The following LTBP1 variants were observed in gnomAD, a reference collection of about 807,000 sequenced individuals.
LTBP1 encodes latent transforming growth factor beta binding protein 1.
In LTBP1, 129 loss-of-function variants were observed where a neutral mutation model predicts 207.6. That is an observed-to-expected ratio of 0.62 (90% CI 0.54 to 0.72). LTBP1 has a LOEUF of 0.72. Ranked by LOEUF, LTBP1 falls within the 30% of genes least tolerant of loss-of-function variation. The pLI is 0.00. For synonymous variants in LTBP1, 963 were observed against 833.7 expected (o/e 1.16, Z -2.67); for missense variants, 2,281 against 2,217.2 (o/e 1.03, Z -0.58).
chr2:33,233,262 C>T (rs143380917), intron 9 of LTBP1, among the ~76,000 whole-genome samples: 4 of 152,178 alleles, frequency 2.6e-5, no homozygotes, highest in South Asian at 4.1e-4. Context: ...ATCTCAGTTC[C>T]ATTTTCCAAT....
intron 2 of LTBP1, among the ~76,000 whole-genome samples, chr2:32,982,087 A>G (rs1682851859): frequency 6.6e-6 from 1 of 152,200 alleles, no homozygotes; most frequent in Non-Finnish European, 1.5e-5. Flanking sequence ...AATGTGGGAA[A>G]GTTTGGAACT....
chr2:33,314,976 T>C (rs545096982), intron 23 of LTBP1, among the ~76,000 whole-genome samples, 168 bp from the exon 24 acceptor site: 5 of 152,222 alleles, frequency 3.3e-5, no homozygotes, highest in Admixed American at 6.5e-5. Context: ...ATAGTTTCTC[T>C]CTCATAACTC....
At chr2:33,365,544 G>C (rs1340313560) in intron 31 of LTBP1, 41 bp downstream of exon 31, 1 of 1,593,314 alleles carries the variant, frequency 6.3e-7, no homozygotes, top group African/African-American at 1.3e-5. Flanking sequence ...GGCCTTTGGG[G>C]ACAAGTTCAT....
intron 3 of LTBP1, among the ~76,000 whole-genome samples, chr2:33,097,919 A>C (rs2079482588): frequency 6.6e-6 from 1 of 152,190 alleles, no homozygotes; most frequent in East Asian, 1.9e-4. Context: ...ACAGTCATTT[A>C]ATAACCATGT....
intron 2 of LTBP1, among the ~76,000 whole-genome samples, chr2:32,986,787 T>C (rs985414526): frequency 6.6e-6 from 1 of 152,216 alleles, no homozygotes; most frequent in South Asian, 2.1e-4. Flanking sequence ...GACATCAAAA[T>C]GACACCAACA....
chr2:33,076,710 T>C (rs2078100766), intron 3 of LTBP1, among the ~76,000 whole-genome samples: 1 of 152,140 alleles, frequency 6.6e-6, no homozygotes, highest in Non-Finnish European at 1.5e-5. Flanking sequence ...CTAGTTTTTG[T>C]ATTTTTAGTA....
At chr2:33,247,890 G>A (rs922651279) in intron 10 of LTBP1, among the ~76,000 whole-genome samples, 18 of 152,192 alleles carry the variant, frequency 1.2e-4, no homozygotes, top group African/African-American at 2.9e-4. Context: ...CAGCTTTTCC[G>A]TTAATATGGG....
chr2:33,086,210 C>T (rs2078747468), intron 3 of LTBP1, among the ~76,000 whole-genome samples: 1 of 152,218 alleles, frequency 6.6e-6, no homozygotes, highest in African/African-American at 2.4e-5. Flanking sequence ...AGATCAGCTC[C>T]TGAGTGAGGA....
intron 5 of LTBP1, among the ~76,000 whole-genome samples, chr2:33,138,272 T>G (rs769405337): frequency 1.3e-5 from 2 of 152,158 alleles, no homozygotes; most frequent in Non-Finnish European, 2.9e-5. Context: ...AAATAATAAG[T>G]ATAACTTCTG....
Position 32,947,459 on chromosome 2 carries a change from G to A in LTBP1, c.135G>A (p.Leu45=). ...GCCTGGCAGCCGGCGCCTTGCCCCT[G>A]AGCGGGCCCCCGCGTTCGCGGACAT... is the stretch of plus-strand genomic sequence containing the variant. The part of the protein sequence containing the change: ...GPGLAAGALP[L]SGPPRSRTFN... The change falls in exon 1 of 34, where the codon CTG becomes CTA. Residue 45 remains leucine, a synonymous_variant. Transcript: ENST00000404816. 1 of 1,444,094 alleles carries A rather than the reference G, an allele frequency of 6.9e-7. No homozygotes were observed. Among genetic ancestry groups the A allele is most frequent in the Non-Finnish European group, 9.1e-7 (1 of 1,101,226 alleles). 89.5% of individuals were successfully genotyped at this position (1,444,094 alleles called of 1,614,324 possible).
chr2:33,365,647 G>GTGTGTT, intron 31 of LTBP1, 144 bp downstream of exon 31: 1 of 755,362 alleles, frequency 1.3e-6, no homozygotes, highest in Non-Finnish European at 2.1e-6. Context: ...GTGTGTGTGT[G>GTGTGTT]TGTAGGGCAG....
intron 21 of LTBP1, 120 bp downstream of exon 21, chr2:33,300,693 C>A: frequency 1.0e-6 from 1 of 995,010 alleles, no homozygotes; most frequent in African/African-American, 1.6e-5. Context: ...CATTATAGTG[C>A]CAGAAAGCCA....
intron 9 of LTBP1, among the ~76,000 whole-genome samples, chr2:33,223,879 A>G (rs891802427): frequency 1.1e-4 from 16 of 152,350 alleles, no homozygotes; most frequent in African/African-American, 3.8e-4. Flanking sequence ...TGCCCTATAA[A>G]CACGCCTTAA....
At chr2:33,343,004 C>G in intron 25 of LTBP1, 41 bp downstream of exon 25, 1 of 1,584,376 alleles carries the variant, frequency 6.3e-7, no homozygotes, top group South Asian at 1.1e-5. Flanking sequence ...TCACATGTCC[C>G]TAGGGAAAAG....
chr2:33,145,131 C>G (rs1475742698), intron 5 of LTBP1, among the ~76,000 whole-genome samples: 1 of 152,064 alleles, frequency 6.6e-6, no homozygotes, highest in East Asian at 1.9e-4. Context: ...ACTTGATTTT[C>G]TATTTAGTTG....
chr2:33,090,190 A>G (rs182468144), intron 3 of LTBP1, among the ~76,000 whole-genome samples: 5 of 152,254 alleles, frequency 3.3e-5, no homozygotes, highest in Admixed American at 6.5e-5. Context: ...TCTTTCAGAC[A>G]TGGTGAAATG....
chr2:33,155,632 G>C (rs1035076666), intron 5 of LTBP1, among the ~76,000 whole-genome samples: 1 of 151,774 alleles, frequency 6.6e-6, no homozygotes, highest in Admixed American at 6.6e-5. Context: ...GAAGTCTCTG[G>C]GGACAAAACC....
At chr2:32,959,597 G>GTATGTGTA (rs1553344613) in intron 2 of LTBP1, among the ~76,000 whole-genome samples, 3 of 58,338 alleles carry the variant, frequency 5.1e-5, no homozygotes, top group African/African-American at 1.8e-4. Context: ...ATATGTACGT[G>GTATGTGTA]TATATATATA....
At chr2:32,987,850 T>C (rs912908031) in intron 2 of LTBP1, among the ~76,000 whole-genome samples, 7 of 152,222 alleles carry the variant, frequency 4.6e-5, no homozygotes, top group African/African-American at 1.7e-4. Flanking sequence ...TCCTAATGCC[T>C]GGAGCCTATG....
Sources: gnomAD v4.1 joint callset for allele counts (sites outside exome capture counted in the v4.1 genomes callset) on GRCh38, gnomAD v4.1.1 for gene constraint, MANE v1.5 for transcripts, NCBI Gene and HGNC (gene_info 2026-07-23, HGNC 2026-07-21) for gene names.